HNRNPC: variants seen among roughly 807,000 people sequenced by gnomAD.
HNRNPC encodes the protein heterogeneous nuclear ribonucleoprotein C, also known as heterogeneous nuclear ribonucleoproteins C1/C2.
In HNRNPC, 3 loss-of-function variants were observed where a neutral mutation model predicts 33.2. That is an observed-to-expected ratio of 0.09 (90% CI 0.04 to 0.23). The LOEUF (loss-of-function observed/expected upper bound fraction) is 0.23. HNRNPC is among the 10% of genes least tolerant of loss of function. The pLI, the probability that HNRNPC is intolerant of heterozygous loss-of-function variation, is 1.00. For missense variants in HNRNPC, 143 were observed against 366.7 expected, an observed-to-expected ratio of 0.39 and a Z score of 4.98; for synonymous variants, 121 against 126.7, an observed-to-expected ratio of 0.96 and a Z score of 0.30.
At chr14:21,228,433 C>G (rs1221624231) in intron 5 of HNRNPC, among the ~76,000 whole-genome samples, 1 of 152,078 alleles carries the variant, frequency 6.6e-6, no homozygotes, top group African/African-American at 2.4e-5. Context: ...ACTCTGTCAC[C>G]CAGGCTGGAG....
intron 5 of HNRNPC, among the ~76,000 whole-genome samples, chr14:21,223,255 C>T (rs1376659346): frequency 6.6e-6 from 1 of 151,950 alleles, no homozygotes; most frequent in Admixed American, 6.6e-5. Flanking sequence ...CTGAAGAATG[C>T]CCTCAAGAAG....
At chr14:21,230,441 C>T (rs1893982944) in intron 4 of HNRNPC, 75 bp from the exon 5 acceptor site, 2 of 1,036,712 alleles carry the variant, frequency 1.9e-6, no homozygotes, top group Non-Finnish European at 3.0e-6. Flanking sequence ...AGGGGAGAAC[C>T]ATGCCAAATA....
chr14:21,238,137 G>C (rs895046307), intron 2 of HNRNPC, among the ~76,000 whole-genome samples: 2 of 152,146 alleles, frequency 1.3e-5, no homozygotes, highest in African/African-American at 4.8e-5. Context: ...CTTGTAGAAT[G>C]AATAGGTCTA....
chr14:21,211,868 T>C lies in HNRNPC; in HGVS notation c.579A>G (p.Lys193=), dbSNP rs749982138. 4 of 1,613,486 alleles carry C rather than the reference T, an allele frequency of 2.5e-6. No individual in the cohort carries two copies. Among genetic ancestry groups the C allele is most frequent in the Non-Finnish European group, 3.4e-6 (4 of 1,179,970 alleles). The change falls in exon 7 of 9, where the codon AAA becomes AAG. Residue 193 remains lysine (K), a synonymous_variant. Coordinates refer to ENST00000553300, the MANE Select transcript of HNRNPC (RefSeq NM_004500.4). ...IKKELTQIKQ[K]VDSLLENLEK... is the part of the protein sequence containing the mutation. The stretch of plus-strand genomic sequence containing the variant: ...CCAGGTTTTCCAGGAGAGAATCCAC[T>C]TTTTGTTTTATCTGGGTCAGCTCCT...
intron 2 of HNRNPC, among the ~76,000 whole-genome samples, chr14:21,252,625 T>C (rs1896796483): frequency 6.6e-6 from 1 of 152,184 alleles, no homozygotes; most frequent in Non-Finnish European, 1.5e-5. Context: ...TAAATATGTT[T>C]AGTATTAAAA....
At position 21,234,031 on chromosome 14, in the gene HNRNPC, C is replaced by T; in HGVS notation, c.163G>A (p.Val55Ile). 1 of 1,613,914 alleles carries T rather than the reference C, an allele frequency of 6.2e-7. No homozygotes were observed. Among genetic ancestry groups the T allele is most frequent in the Non-Finnish European group, 8.5e-7 (1 of 1,179,868 alleles). The change falls in exon 3 of 9, where the codon GTT becomes ATT. Residue 55 changes from valine (V) to isoleucine (I), a missense_variant. By Grantham distance (29) the Val-to-Ile change is conservative. Coordinates refer to ENST00000553300, the MANE Select transcript of HNRNPC (RefSeq NM_004500.4). ...GCATTTCTCTCATTAACATACTGAA[C>T]GAAGGCAAAGCCCTTATGAACAGAG... ...GCSVHKGFAF[V>I]QYVNERNARA...
intron 1 of HNRNPC, among the ~76,000 whole-genome samples, chr14:21,268,177 TTTTTAAC>T (rs1406489155): frequency 3.3e-5 from 5 of 152,164 alleles, no homozygotes; most frequent in Admixed American, 2.0e-4. Context: ...TAAACAATTT[TTTTTAAC>T]TTTTAAGTTT....
At chr14:21,218,535 A>G (rs1892459597) in intron 5 of HNRNPC, among the ~76,000 whole-genome samples, 1 of 151,744 alleles carries the variant, frequency 6.6e-6, no homozygotes, top group Non-Finnish European at 1.5e-5. Context: ...AAAATACAAA[A>G]AAATCAGCAG....
At chr14:21,233,897 A>G in intron 3 of HNRNPC, 56 bp downstream of exon 3, 1 of 1,578,044 alleles carries the variant, frequency 6.3e-7, no homozygotes. Context: ...CAAAAAAAAA[A>G]CGTGAATAGA....
chr14:21,262,094 G>C (rs754823039), intron 2 of HNRNPC, among the ~76,000 whole-genome samples: 1 of 152,146 alleles, frequency 6.6e-6, no homozygotes, highest in Non-Finnish European at 1.5e-5. Flanking sequence ...TGCTTTGTGA[G>C]GTCAAAAAGC....
At chr14:21,231,138 ATTT>A (rs1288341006) in intron 3 of HNRNPC, 66 bp from the exon 4 acceptor site, 1 of 1,461,514 alleles carries the variant, frequency 6.8e-7, no homozygotes, top group Admixed American at 1.8e-5. Context: ...TACAAAGTTT[ATTT>A]TTTTTATTTT....
chr14:21,225,133 TAA>T (rs1352009320), intron 5 of HNRNPC, among the ~76,000 whole-genome samples: 1 of 151,936 alleles, frequency 6.6e-6, no homozygotes, highest in East Asian at 1.9e-4. Flanking sequence ...AAATAAGAAT[TAA>T]AGAGGCCAGG....
At chr14:21,224,311 T>C (rs1383919447) in intron 5 of HNRNPC, among the ~76,000 whole-genome samples, 1 of 152,168 alleles carries the variant, frequency 6.6e-6, no homozygotes, top group East Asian at 1.9e-4. Context: ...TGTCTTGAAT[T>C]TCAATGGTTT....
intron 5 of HNRNPC, among the ~76,000 whole-genome samples, chr14:21,219,984 A>C (rs552930097): frequency 1.3e-5 from 2 of 152,212 alleles, no homozygotes; most frequent in South Asian, 4.2e-4. Context: ...CACCTTTAAG[A>C]TCCATCTGCT....
intron 5 of HNRNPC, among the ~76,000 whole-genome samples, chr14:21,222,658 C>T (rs764388058): frequency 4.0e-5 from 6 of 150,810 alleles, no homozygotes; most frequent in Admixed American, 6.6e-5. Context: ...TTTGGGAGGC[C>T]GAGGCAGGCA....
intron 2 of HNRNPC, among the ~76,000 whole-genome samples, chr14:21,258,591 T>A (rs1296591995): frequency 6.6e-6 from 1 of 151,916 alleles, no homozygotes; most frequent in African/African-American, 2.4e-5. Flanking sequence ...TACTCAAGGT[T>A]TTGATGATGA....
At chr14:21,257,140 T>C (rs556101370) in intron 2 of HNRNPC, among the ~76,000 whole-genome samples, 1 of 152,324 alleles carries the variant, frequency 6.6e-6, no homozygotes, top group Non-Finnish European at 1.5e-5. Context: ...TATTGGATAT[T>C]CAACAGAGTT....
At chr14:21,238,684 T>G (rs1278744322) in intron 2 of HNRNPC, among the ~76,000 whole-genome samples, 1 of 152,176 alleles carries the variant, frequency 6.6e-6, no homozygotes, top group Non-Finnish European at 1.5e-5. Context: ...ATATTTCCCC[T>G]CTTCTAGTTG....
At chr14:21,225,682 A>C (rs1220437050) in intron 5 of HNRNPC, among the ~76,000 whole-genome samples, 1 of 152,078 alleles carries the variant, frequency 6.6e-6, no homozygotes, top group African/African-American at 2.4e-5. Flanking sequence ...AAAAAGAATG[A>C]CTGTCCATAA....
Sources: allele counts gnomAD v4.1 joint callset (sites outside exome capture counted in the v4.1 genomes callset), GRCh38; gene constraint gnomAD v4.1.1; transcripts MANE v1.5; gene names NCBI Gene and HGNC (gene_info 2026-07-23, HGNC 2026-07-21).